The following FOXP1 variants were observed in gnomAD, a reference collection of about 807,000 sequenced individuals.
FOXP1 encodes forkhead box P1.
A neutral mutation model predicts 98.2 loss-of-function variants in FOXP1; 15 were observed. That is an observed-to-expected ratio of 0.15 (90% confidence interval 0.10 to 0.24). The LOEUF (loss-of-function observed/expected upper bound fraction) is 0.24. Among genes scored for constraint, FOXP1 ranks in the 10% least tolerant of loss-of-function variants. The pLI, the probability that FOXP1 is intolerant of heterozygous loss-of-function variation, is 1.00. For synonymous variants in FOXP1, 371 were observed against 314.5 expected, an observed-to-expected ratio of 1.18 and a Z score of -1.90; for missense variants, 633 against 848.5, an observed-to-expected ratio of 0.75 and a Z score of 3.15.
At chr3:71,385,855 C>T (rs2080531794) in intron 3 of FOXP1, among the ~76,000 whole-genome samples, 1 of 152,170 alleles carries the variant, frequency 6.6e-6, no homozygotes, top group East Asian at 1.9e-4. Context: ...TTTCTACTGG[C>T]TTCTGTGGCT....
intron 6 of FOXP1, among the ~76,000 whole-genome samples, chr3:71,126,204 G>A (rs2059157924): frequency 6.6e-6 from 1 of 152,262 alleles, no homozygotes; most frequent in African/African-American, 2.4e-5. Flanking sequence ...GAAATTTTTG[G>A]CCGGGCGTGG....
chr3:71,399,190 G>A lies in FOXP1; in HGVS notation c.-167-39946C>T, dbSNP rs527275011. 2.6e-4 allele frequency among the ~76,000 whole-genome samples: 40 copies of A among 152,254 alleles called. 1 individual carries two copies. The South Asian group carries it at 5.2e-3, about 20-fold the overall frequency. ...TGTCTATGTGTGTACATACACATAT[G>A]TGTATATGTGTAGATATACAGGTAT... On this transcript the variant is annotated intron_variant, in intron 3 of 20. Coordinates refer to ENST00000649528, the MANE Select transcript of FOXP1 (RefSeq NM_001349338.3).
chr3:71,016,447 A>G (rs1475821621), intron 11 of FOXP1, among the ~76,000 whole-genome samples: 2 of 152,184 alleles, frequency 1.3e-5, no homozygotes, highest in Non-Finnish European at 2.9e-5. Flanking sequence ...TTTCTCTATT[A>G]TATTTCTGCA....
intron 4 of FOXP1, among the ~76,000 whole-genome samples, chr3:71,331,372 C>T (rs1733523): frequency 0.13 from 19,756 of 151,464 alleles, 1,353 homozygotes; most frequent in South Asian, 0.2. Context: ...AGCCTCCCCC[C>T]TCCCCACCCC....
In FOXP1 at chr3:71,336,633, G is replaced by C. The variant is rs1029075353; in HGVS notation, c.-73+22517C>G. Among the ~76,000 whole-genome samples the C allele has an allele frequency of 3.9e-5, 6 of 152,230 alleles. 1 individual carries two copies. The highest frequency in any genetic ancestry group is 4.1e-4 in the South Asian group (2 of 4,836). ...AGTACCACTGGGTAACTAAAGAGTA[G>C]ATGAAGAATAAAATTACAAAAGCAT... is the stretch of plus-strand genomic sequence containing the variant. On this transcript the variant is annotated intron_variant, in intron 4 of 20. Transcript: ENST00000649528.
At chr3:71,542,916 C>T (rs2044989351) in intron 2 of FOXP1, among the ~76,000 whole-genome samples, 1 of 152,192 alleles carries the variant, frequency 6.6e-6, no homozygotes, top group South Asian at 2.1e-4. Context: ...GGTGTAGCAT[C>T]CTCAAACTGC....
chr3:71,476,147 A>G (rs1016591860), intron 3 of FOXP1, among the ~76,000 whole-genome samples: 1 of 152,262 alleles, frequency 6.6e-6, no homozygotes, highest in Non-Finnish European at 1.5e-5. Context: ...TGGTCCACAC[A>G]ATGGAAATGA....
chr3:71,505,240 T>C (rs2041717940), intron 2 of FOXP1, among the ~76,000 whole-genome samples: 1 of 152,064 alleles, frequency 6.6e-6, no homozygotes, highest in Admixed American at 6.5e-5. Context: ...CCTTGGCTTC[T>C]TGCGTGAAGT....
At chr3:71,196,515 T>C (rs1455630899) in intron 6 of FOXP1, among the ~76,000 whole-genome samples, 3 of 152,234 alleles carry the variant, frequency 2.0e-5, no homozygotes, top group African/African-American at 7.2e-5. Context: ...GTACTCTAAA[T>C]ATTAATTATT....
At position 71,462,488 on chromosome 3, in the gene FOXP1, GC is replaced by G. The variant is rs2088237042; in HGVS notation, c.-168+30937del. 2.6e-5 allele frequency among the ~76,000 whole-genome samples: 4 copies of G among 152,208 alleles called. No homozygotes were observed. The South Asian group carries it at 8.3e-4, about 32-fold the overall frequency. On this transcript the variant is annotated intron_variant, in intron 3 of 20. Transcript: ENST00000649528. ...TCACAGAATCACGTATCCATGATGG[GC>G]CAACTACACAGATAAAGTTCTCCTT... is the stretch of plus-strand genomic sequence containing the variant.
At chr3:71,128,308 T>A (rs1360818746) in intron 6 of FOXP1, among the ~76,000 whole-genome samples, 6 of 147,268 alleles carry the variant, frequency 4.1e-5, no homozygotes, top group African/African-American at 5.0e-5. Flanking sequence ...ACTTGAGAAC[T>A]AAAAAAAAAA....
chr3:71,224,684 T>G (rs907147520), intron 5 of FOXP1, among the ~76,000 whole-genome samples: 1 of 152,188 alleles, frequency 6.6e-6, no homozygotes, highest in Non-Finnish European at 1.5e-5. Flanking sequence ...GGACATTTGT[T>G]GAATAAACAA....
intron 4 of FOXP1, among the ~76,000 whole-genome samples, chr3:71,353,795 AT>A (rs1384245592): frequency 6.6e-6 from 1 of 152,192 alleles, no homozygotes; most frequent in Non-Finnish European, 1.5e-5. Flanking sequence ...TACATAAAAA[AT>A]TCACAATGAA....
intron 10 of FOXP1, among the ~76,000 whole-genome samples, chr3:71,045,296 C>T (rs2048866811): frequency 6.6e-6 from 1 of 152,180 alleles, no homozygotes; most frequent in Non-Finnish European, 1.5e-5. Flanking sequence ...ACACTTCATG[C>T]ATCACCACAT....
At position 71,392,387 on chromosome 3, in the gene FOXP1, G is replaced by A. The variant is rs1056437223; in HGVS notation, c.-167-33143C>T. ...GAAATTCTCTAAAAATATAACAGTC[G>A]CGTTTAAAGAAATTAACTTGTTAAT... On this transcript the variant is annotated intron_variant, in intron 3 of 20. Coordinates refer to ENST00000649528, the MANE Select transcript of FOXP1 (RefSeq NM_001349338.3). Among the ~76,000 whole-genome samples the A allele has an allele frequency of 8.5e-5, 13 of 152,158 alleles. No homozygotes were observed. The East Asian group carries it at 1.5e-3, about 18-fold the overall frequency.
chr3:71,346,728 T>C (rs996952963), intron 4 of FOXP1, among the ~76,000 whole-genome samples: 1 of 152,092 alleles, frequency 6.6e-6, no homozygotes, highest in Non-Finnish European at 1.5e-5. Context: ...TTCCAGAGGG[T>C]TCTCTTGCTC....
At chr3:71,217,464 A>C (rs1290597613) in intron 5 of FOXP1, among the ~76,000 whole-genome samples, 2 of 152,016 alleles carry the variant, frequency 1.3e-5, no homozygotes, top group Non-Finnish European at 2.9e-5. Flanking sequence ...TTAAAACTTT[A>C]ATGATTTGTG....
At chr3:71,343,582 G>A (rs2077144297) in intron 4 of FOXP1, among the ~76,000 whole-genome samples, 5 of 91,468 alleles carry the variant, frequency 5.5e-5, no homozygotes, top group African/African-American at 2.0e-4. Flanking sequence ...TTGAGATGTA[G>A]TCTCACTTTG....
chr3:71,436,372 G>A (rs934224897), intron 3 of FOXP1, among the ~76,000 whole-genome samples: 1 of 152,112 alleles, frequency 6.6e-6, no homozygotes, highest in African/African-American at 2.4e-5. Context: ...CATAGTTACT[G>A]CATGGAACAA....
Sources: gnomAD v4.1 joint callset for allele counts (sites outside exome capture counted in the v4.1 genomes callset) on GRCh38, gnomAD v4.1.1 for gene constraint, MANE v1.5 for transcripts, NCBI Gene and HGNC (gene_info 2026-07-23, HGNC 2026-07-21) for gene names.